The following ERBB4 variants were observed in gnomAD, a reference collection of about 807,000 sequenced individuals.
ERBB4 encodes erb-b2 receptor tyrosine kinase 4.
ERBB4 carries 42 observed loss-of-function variants against 158.0 expected under a neutral mutation model. That is an observed-to-expected ratio of 0.27 (90% CI 0.21 to 0.34). The LOEUF is 0.34. Among genes scored for constraint, ERBB4 ranks in the 10% least tolerant of loss-of-function variants. ERBB4 has a pLI of 1.00. For synonymous variants in ERBB4, 583 were observed against 558.7 expected (o/e 1.04, Z -0.61); for missense variants, 1,333 against 1,624.1 (o/e 0.82, Z 3.08).
rs965838111 is a variant in ERBB4, at chr2:211,380,598, T to C, written c.*3017A>G. 5 of 232,066 alleles carry C rather than the reference T, an allele frequency of 2.2e-5. No homozygotes were observed. Among genetic ancestry groups the C allele is most frequent in the Admixed American group, 5.6e-5 (1 of 17,732 alleles). 14.4% of individuals were successfully genotyped at this position (232,066 alleles called of 1,614,324 possible). A position where few individuals can be genotyped will look rare whatever the true frequency, so the allele number is the denominator to read the frequency against. On this transcript the variant is annotated 3_prime_UTR_variant, in exon 28 of 28. Coordinates refer to ENST00000342788, the MANE Select transcript of ERBB4 (RefSeq NM_005235.3). ...TCTCTGGAAGGAATGAAACTTTTTT[T>C]CTCCCTCTTATACATGCTGAAATAT...
chr2:212,419,570 C>T (rs551318893), intron 1 of ERBB4, among the ~76,000 whole-genome samples: 60 of 151,618 alleles, frequency 4.0e-4, no homozygotes, highest in African/African-American at 1.4e-3. Flanking sequence ...CATATATTTG[C>T]CTTTAATGCA....
At chr2:211,738,209 T>C (rs1468971149) in intron 5 of ERBB4, among the ~76,000 whole-genome samples, 1 of 152,128 alleles carries the variant, frequency 6.6e-6, no homozygotes, top group Non-Finnish European at 1.5e-5. Context: ...GTTTTTAATT[T>C]ATAAAGTTGT....
At chr2:211,397,414 T>C (rs2062943176) in intron 25 of ERBB4, among the ~76,000 whole-genome samples, 1 of 152,196 alleles carries the variant, frequency 6.6e-6, no homozygotes, top group Non-Finnish European at 1.5e-5. Flanking sequence ...TGTAACACTT[T>C]ACTAAAAAAA....
chr2:211,842,505 AT>A (rs775727902), intron 3 of ERBB4, among the ~76,000 whole-genome samples: 1 of 136,334 alleles, frequency 7.3e-6, no homozygotes, highest in Non-Finnish European at 1.7e-5. Context: ...CAAATAACAC[AT>A]TTCAATGTAC....
At chr2:212,189,968 G>A (rs1286541498) in intron 1 of ERBB4, among the ~76,000 whole-genome samples, 2 of 152,086 alleles carry the variant, frequency 1.3e-5, no homozygotes, top group South Asian at 4.1e-4. Context: ...ATTGGAATAT[G>A]TCTTTGTAAG....
At chr2:211,792,180 T>G (rs2076291142) in intron 3 of ERBB4, among the ~76,000 whole-genome samples, 1 of 151,672 alleles carries the variant, frequency 6.6e-6, no homozygotes, top group Non-Finnish European at 1.5e-5. Context: ...TCTGACCAAA[T>G]CAAAGTAAGA....
intron 3 of ERBB4, among the ~76,000 whole-genome samples, chr2:211,918,473 G>A (rs147467723): frequency 6.6e-6 from 1 of 152,114 alleles, no homozygotes; most frequent in East Asian, 1.9e-4. Context: ...ACACTGTGGT[G>A]CACCAGAGTT....
At chr2:212,411,213 C>T (rs1242119224) in intron 1 of ERBB4, among the ~76,000 whole-genome samples, 1 of 151,980 alleles carries the variant, frequency 6.6e-6, no homozygotes, top group Non-Finnish European at 1.5e-5. Flanking sequence ...TGCACTTATA[C>T]CTACTCTGTT....
chr2:211,855,706 G>C lies in ERBB4; in HGVS notation c.422-67547C>G, dbSNP rs181456968. Reference sequence around the variant, plus strand: ...GGCATACTGTGTACTGTAGCTTTATGATGAGTCTTAATATCCAGTAGTTTT... The same window carrying C: ...GGCATACTGTGTACTGTAGCTTTATCATGAGTCTTAATATCCAGTAGTTTT... On this transcript the variant is annotated intron_variant, in intron 3 of 27. Coordinates refer to ENST00000342788, the MANE Select transcript of ERBB4 (RefSeq NM_005235.3). 6.8e-4 allele frequency among the ~76,000 whole-genome samples: 103 copies of C among 152,170 alleles called. 1 individual carries two copies. The highest frequency in any genetic ancestry group is 2.4e-3 in the African/African-American group (100 of 41,530).
chr2:211,774,953 A>G (rs1388548020), intron 4 of ERBB4, among the ~76,000 whole-genome samples: 1 of 152,184 alleles, frequency 6.6e-6, no homozygotes, highest in Non-Finnish European at 1.5e-5. Flanking sequence ...TAGAGTGACT[A>G]GAATTTAAGA....
intron 1 of ERBB4, among the ~76,000 whole-genome samples, chr2:212,476,366 G>A (rs757317468): frequency 1.6e-4 from 24 of 152,030 alleles, no homozygotes; most frequent in Non-Finnish European, 3.4e-4. Context: ...AAAACATTTT[G>A]TCAAATTAAT....
At chr2:211,900,108 T>C (rs1279301972) in intron 3 of ERBB4, among the ~76,000 whole-genome samples, 2 of 152,094 alleles carry the variant, frequency 1.3e-5, no homozygotes, top group African/African-American at 4.8e-5. Context: ...GCCTCAACTT[T>C]CCATCACAGG....
At chr2:211,450,686 C>T (rs2125476465) in intron 20 of ERBB4, among the ~76,000 whole-genome samples, 1 of 152,194 alleles carries the variant, frequency 6.6e-6, no homozygotes, top group East Asian at 1.9e-4. Flanking sequence ...TTATATTATT[C>T]AGGTTTCAGT....
intron 1 of ERBB4, among the ~76,000 whole-genome samples, chr2:212,500,146 G>A (rs993333157): frequency 1.3e-5 from 2 of 152,042 alleles, no homozygotes. Flanking sequence ...GATCAAATGA[G>A]TAAAAGGATA....
At chr2:211,509,477 TCAAA>T (rs1559241101) in intron 20 of ERBB4, among the ~76,000 whole-genome samples, 1 of 151,910 alleles carries the variant, frequency 6.6e-6, no homozygotes. Flanking sequence ...ATGTAAGACC[TCAAA>T]CTAAAGAAAT....
intron 1 of ERBB4, among the ~76,000 whole-genome samples, chr2:212,353,644 T>C (rs1276718497): frequency 3.5e-5 from 3 of 85,176 alleles, no homozygotes; most frequent in Non-Finnish European, 8.7e-5. Flanking sequence ...AGCTGATAAA[T>C]GTTGAAAAAA....
At chr2:212,063,723 G>C (rs1336523740) in intron 2 of ERBB4, among the ~76,000 whole-genome samples, 1 of 152,066 alleles carries the variant, frequency 6.6e-6, no homozygotes, top group Non-Finnish European at 1.5e-5. Flanking sequence ...TAAACAAAAA[G>C]CCATAAATAG....
rs989703467 is a variant in ERBB4 at position 212,351,214 on chromosome 2, T to A, written c.82+187235A>T. Among the ~76,000 whole-genome samples the A allele has an allele frequency of 2.0e-5, 3 of 152,184 alleles. No homozygotes were observed. The East Asian group carries it at 5.8e-4, about 30-fold the overall frequency. On this transcript the variant is annotated intron_variant, in intron 1 of 27. Coordinates refer to ENST00000342788, the MANE Select transcript of ERBB4 (RefSeq NM_005235.3). ...GAAATTAGGGCAGAGACCCTAGGAA[T>A]GTGCAGGCACCAAGGAAAGACCACA...
At chr2:211,896,061 C>T (rs1197017325) in intron 3 of ERBB4, among the ~76,000 whole-genome samples, 2 of 152,148 alleles carry the variant, frequency 1.3e-5, no homozygotes, top group East Asian at 3.9e-4. Flanking sequence ...CCTTCGTCTT[C>T]TCTACCTATA....
Sources: allele counts gnomAD v4.1 joint callset (sites outside exome capture counted in the v4.1 genomes callset), GRCh38; gene constraint gnomAD v4.1.1; transcripts MANE v1.5; gene names NCBI Gene and HGNC (gene_info 2026-07-23, HGNC 2026-07-21).